SLC7A1: variants seen among roughly 807,000 people sequenced by gnomAD.
SLC7A1 encodes solute carrier family 7 member 1, also known as high affinity cationic amino acid transporter 1.
Under a neutral mutation model 53.9 loss-of-function variants are expected in SLC7A1, and 10 were observed. That is an observed-to-expected ratio of 0.19 (90% CI 0.11 to 0.31). SLC7A1 has a LOEUF of 0.31. Ranked by LOEUF, SLC7A1 falls within the 10% of genes least tolerant of loss-of-function variation. The pLI, the probability that SLC7A1 is intolerant of heterozygous loss-of-function variation, is 1.00. For synonymous variants in SLC7A1, 342 were observed against 338.7 expected (o/e 1.01, Z -0.11); for missense variants, 525 against 827.2 (o/e 0.63, Z 4.48).
intron 8 of SLC7A1, among the ~76,000 whole-genome samples, chr13:29,522,070 C>T (rs73452348): frequency 0.018 from 2,686 of 151,916 alleles, 76 homozygotes; most frequent in African/African-American, 0.061. Flanking sequence ...TTCTAAGCTC[C>T]GCCCATTGAG....
At chr13:29,554,472 C>T (rs1241456063) in intron 1 of SLC7A1, among the ~76,000 whole-genome samples, 1 of 152,172 alleles carries the variant, frequency 6.6e-6, no homozygotes, top group Admixed American at 6.5e-5. Flanking sequence ...ACCTTGTTGC[C>T]TTGGAATGGA....
chr13:29,518,864 G>A (rs550606623), intron 9 of SLC7A1, among the ~76,000 whole-genome samples: 12 of 152,080 alleles, frequency 7.9e-5, no homozygotes, highest in Non-Finnish European at 1.2e-4. Context: ...TGAGAACACC[G>A]AGACACCAAG....
At chr13:29,594,506 C>T (rs1239286260) in intron 1 of SLC7A1, among the ~76,000 whole-genome samples, 2 of 152,238 alleles carry the variant, frequency 1.3e-5, no homozygotes, top group Non-Finnish European at 2.9e-5. Flanking sequence ...AACCAGCAGG[C>T]TGTTGTAGTA....
At chr13:29,545,197 T>C (rs936235117) in intron 2 of SLC7A1, among the ~76,000 whole-genome samples, 2 of 152,118 alleles carry the variant, frequency 1.3e-5, no homozygotes, top group African/African-American at 2.4e-5. Flanking sequence ...TAAATGAATA[T>C]AAATATAAAA....
intron 1 of SLC7A1, among the ~76,000 whole-genome samples, chr13:29,554,737 G>C (rs189733166): frequency 1.7e-3 from 264 of 152,298 alleles, no homozygotes; most frequent in Non-Finnish European, 3.0e-3. Flanking sequence ...CTAATCAACA[G>C]CTACAGTTTT....
At chr13:29,544,694 G>T (rs1593556963) in intron 2 of SLC7A1, among the ~76,000 whole-genome samples, 2 of 152,278 alleles carry the variant, frequency 1.3e-5, no homozygotes, top group East Asian at 3.9e-4. Flanking sequence ...TGCAGTTGGG[G>T]TTCAAGTCTC....
intron 1 of SLC7A1, among the ~76,000 whole-genome samples, chr13:29,582,309 C>T (rs1426060833): frequency 1.3e-5 from 2 of 152,238 alleles, no homozygotes; most frequent in Admixed American, 6.5e-5. Flanking sequence ...CCCGCCTCTG[C>T]TGCCAAATTC....
intron 5 of SLC7A1, among the ~76,000 whole-genome samples, chr13:29,526,537 T>C (rs1868901682): frequency 6.6e-6 from 1 of 152,152 alleles, no homozygotes; most frequent in African/African-American, 2.4e-5. Context: ...AAATGAATGC[T>C]ATCATGGATA....
At chr13:29,556,624 C>T (rs139529657) in intron 1 of SLC7A1, among the ~76,000 whole-genome samples, 1,814 of 152,312 alleles carry the variant, frequency 0.012, 29 homozygotes, top group African/African-American at 0.04. Context: ...AGCAATCCAC[C>T]TGCCTCAGCC....
chr13:29,586,470 T>G (rs779619594), intron 1 of SLC7A1, among the ~76,000 whole-genome samples: 1 of 152,354 alleles, frequency 6.6e-6, no homozygotes, highest in Admixed American at 6.5e-5. Context: ...ACACGGAACA[T>G]GGGAAATTGC....
At chr13:29,554,283 G>T (rs537664968) in intron 1 of SLC7A1, among the ~76,000 whole-genome samples, 1 of 152,338 alleles carries the variant, frequency 6.6e-6, no homozygotes, top group Admixed American at 6.5e-5. Flanking sequence ...AGCAGGGGCA[G>T]AAAACCTTAG....
chr13:29,517,982 G>T (rs1376610491), intron 9 of SLC7A1, among the ~76,000 whole-genome samples, 192 bp from the exon 10 acceptor site: 1 of 152,222 alleles, frequency 6.6e-6, no homozygotes, highest in Non-Finnish European at 1.5e-5. Context: ...TGTTGCTTCT[G>T]GGGAACATCC....
chr13:29,536,543 C>T lies in SLC7A1; in HGVS notation c.-14-341G>A, dbSNP rs561910319. On this transcript the variant is annotated intron_variant, in intron 2 of 12. Coordinates refer to ENST00000380752, the MANE Select transcript of SLC7A1 (RefSeq NM_003045.5). The stretch of plus-strand genomic sequence containing the variant: ...ACACACATTAATGACATTGTTCCTA[C>T]ACTCAGTCATCAGATAATACACCAG... Among the ~76,000 whole-genome samples, 10 of 152,302 alleles carry T rather than the reference C, an allele frequency of 6.6e-5. 1 individual carries two copies. The South Asian group carries it at 1.9e-3, about 28-fold the overall frequency.
intron 5 of SLC7A1, among the ~76,000 whole-genome samples, chr13:29,529,518 T>C (rs1481352991): frequency 6.6e-6 from 1 of 152,186 alleles, no homozygotes; most frequent in Non-Finnish European, 1.5e-5. Context: ...TTTTCCCTTC[T>C]GGAAGAGCTG....
At chr13:29,522,999 G>A (rs1475116819) in intron 7 of SLC7A1, among the ~76,000 whole-genome samples, 2 of 152,182 alleles carry the variant, frequency 1.3e-5, no homozygotes, top group Non-Finnish European at 2.9e-5. Flanking sequence ...CCAGATTTAG[G>A]GACAGAGAAC....
In SLC7A1 at chr13:29,512,325, G is replaced by A. The variant is rs994428902; in HGVS notation, c.*2155C>T. The A allele has an allele frequency of 1.3e-5, 2 of 152,218 alleles. No individual in the cohort carries two copies. The highest frequency in any genetic ancestry group is 4.8e-5 in the African/African-American group (2 of 41,450). The allele number at this position is 152,218 out of a possible 1,614,324, so 9.4% of individuals were successfully genotyped here. A position where few individuals can be genotyped will look rare whatever the true frequency, so the allele number is the denominator to read the frequency against. ...CCAGCTGTCAGCACGCTGTCATGAT[G>A]AGACTTGGAGCAGGGGAGACGCACC... On this transcript the variant is annotated 3_prime_UTR_variant, in exon 13 of 13. Transcript: ENST00000380752.
intron 8 of SLC7A1, among the ~76,000 whole-genome samples, chr13:29,519,773 T>C (rs73452347): frequency 0.017 from 2,622 of 152,104 alleles, 74 homozygotes; most frequent in African/African-American, 0.059. Context: ...TAATCATCAT[T>C]AACATTTGTA....
At chr13:29,541,036 C>T (rs1401997915) in intron 2 of SLC7A1, among the ~76,000 whole-genome samples, 1 of 152,108 alleles carries the variant, frequency 6.6e-6, no homozygotes, top group African/African-American at 2.4e-5. Context: ...AGGGCTCACA[C>T]AGCTGAGTGA....
chr13:29,559,743 T>C (rs1405076244), intron 1 of SLC7A1, among the ~76,000 whole-genome samples: 9 of 151,406 alleles, frequency 5.9e-5, no homozygotes, highest in Admixed American at 5.9e-4. Flanking sequence ...TGAGATGGAG[T>C]CTCGCTCTGT....
Sources: allele counts gnomAD v4.1 joint callset (sites outside exome capture counted in the v4.1 genomes callset), GRCh38; gene constraint gnomAD v4.1.1; transcripts MANE v1.5; gene names NCBI Gene and HGNC (gene_info 2026-07-23, HGNC 2026-07-21).